IMMP2L: variants seen among roughly 807,000 people sequenced by gnomAD.
IMMP2L encodes the protein mitochondrial inner membrane protease subunit 2.
IMMP2L carries 18 observed loss-of-function variants against 19.3 expected under a neutral mutation model. The observed-to-expected ratio is 0.93, with a 90% confidence interval of 0.64 to 1.38. The LOEUF is 1.38. Among genes scored for constraint, IMMP2L ranks in the 40% most tolerant of loss-of-function variants. The pLI, the probability that IMMP2L is intolerant of heterozygous loss-of-function variation, is 0.00. For synonymous variants in IMMP2L, 76 were observed against 73.0 expected, an observed-to-expected ratio of 1.04 and a Z score of -0.21; for missense variants, 233 against 218.2, an observed-to-expected ratio of 1.07 and a Z score of -0.43.
rs77588358 is a variant in IMMP2L at position 110,861,580 on chromosome 7, T to C, written c.408+25013A>G. On this transcript the variant is annotated intron_variant, in intron 5 of 5. Transcript: ENST00000405709. Reference sequence around the variant, plus strand: ...ACATCTGGCCTTTTAAACAATTTTTTAATCCGGAAAGGTTTAATACACCAA... The same window carrying C: ...ACATCTGGCCTTTTAAACAATTTTTCAATCCGGAAAGGTTTAATACACCAA... Among the ~76,000 whole-genome samples the C allele has an allele frequency of 6.5e-3, 989 of 152,120 alleles. 14 individuals carry two copies. The highest frequency in any genetic ancestry group is 0.023 in the African/African-American group (942 of 41,474).
rs190980091 is a variant in IMMP2L, at chr7:111,338,896, C to A, written c.239+148342G>T. ...CAACAAGCTTCACCAAAAATAAATT[C>A]TGTCAATACAACTATTTATCCTGAG... On this transcript the variant is annotated intron_variant, in intron 3 of 5. Transcript: ENST00000405709. Among the ~76,000 whole-genome samples, 148 of 152,186 alleles carry A rather than the reference C, an allele frequency of 9.7e-4. 1 individual carries two copies. The highest frequency in any genetic ancestry group is 3.4e-3 in the African/African-American group (142 of 41,554).
intron 3 of IMMP2L, among the ~76,000 whole-genome samples, chr7:111,466,076 A>G (rs1840627474): frequency 6.6e-6 from 1 of 152,106 alleles, no homozygotes. Flanking sequence ...TCGCAAGGAC[A>G]AAAAAACCAA....
At chr7:110,909,592 C>T (rs778048521) in intron 4 of IMMP2L, among the ~76,000 whole-genome samples, 2 of 152,074 alleles carry the variant, frequency 1.3e-5, no homozygotes, top group Non-Finnish European at 2.9e-5. Context: ...AAGAAGGAAA[C>T]ATTCATGTCT....
chr7:111,103,143 C>T (rs1295321508), intron 3 of IMMP2L, among the ~76,000 whole-genome samples: 1 of 151,510 alleles, frequency 6.6e-6, no homozygotes, highest in African/African-American at 2.4e-5. Context: ...ATCTATTAGA[C>T]TTTGTTTCCT....
chr7:110,939,572 C>T (rs1816509152), intron 4 of IMMP2L, among the ~76,000 whole-genome samples: 1 of 152,128 alleles, frequency 6.6e-6, no homozygotes, highest in South Asian at 2.1e-4. Context: ...CTGAATGAAG[C>T]TCCCCTTCCT....
rs1296160498 is a variant in IMMP2L, at chr7:110,745,442, A to G, written c.409-81721T>C. 2.0e-5 allele frequency among the ~76,000 whole-genome samples: 3 copies of G among 152,200 alleles called. No individual in the cohort carries two copies. The South Asian group carries it at 6.2e-4, about 32-fold the overall frequency. ...CTCGAGAAGAGCAACTCCAAGACAC[A>G]TAATTGTGAGATTCACCAAGGTTGA... On this transcript the variant is annotated intron_variant, in intron 5 of 5. Coordinates refer to ENST00000405709, the MANE Select transcript of IMMP2L (RefSeq NM_032549.4).
chr7:111,556,674 C>T (rs528424020), intron 1 of IMMP2L, among the ~76,000 whole-genome samples: 38 of 152,260 alleles, frequency 2.5e-4, no homozygotes, highest in African/African-American at 8.7e-4. Context: ...AGCATCTTTA[C>T]ATCTTTCTCT....
chr7:110,992,475 C>T (rs1427161203), intron 3 of IMMP2L, among the ~76,000 whole-genome samples: 2 of 151,930 alleles, frequency 1.3e-5, no homozygotes, highest in East Asian at 1.9e-4. Context: ...ATAATGCTAT[C>T]GGTCCTTAAA....
At chr7:111,026,094 C>A (rs1047343031) in intron 3 of IMMP2L, among the ~76,000 whole-genome samples, 1 of 152,064 alleles carries the variant, frequency 6.6e-6, no homozygotes, top group African/African-American at 2.4e-5. Flanking sequence ...TTATCAAACT[C>A]TCAAGTAGGA....
At chr7:110,752,692 T>G (rs1382436937) in intron 5 of IMMP2L, among the ~76,000 whole-genome samples, 1 of 151,980 alleles carries the variant, frequency 6.6e-6, no homozygotes, top group Non-Finnish European at 1.5e-5. Context: ...CAGGCCCACT[T>G]TCAGCCAATC....
chr7:111,298,885 T>TGCAG (rs1821910458), intron 3 of IMMP2L, among the ~76,000 whole-genome samples: 1 of 151,830 alleles, frequency 6.6e-6, no homozygotes, highest in African/African-American at 2.4e-5. Context: ...AGAAGAAGAA[T>TGCAG]GCAGGCAGTA....
chr7:111,039,667 C>A (rs1791696464), intron 3 of IMMP2L, among the ~76,000 whole-genome samples: 1 of 152,102 alleles, frequency 6.6e-6, no homozygotes, highest in African/African-American at 2.4e-5. Flanking sequence ...AAAACCATCA[C>A]AACAAAAACC....
At chr7:111,335,040 T>C (rs1347491964) in intron 3 of IMMP2L, among the ~76,000 whole-genome samples, 5 of 152,092 alleles carry the variant, frequency 3.3e-5, no homozygotes, top group Admixed American at 6.6e-5. Flanking sequence ...GAGCAGTTTA[T>C]AGGCCAAGTC....
chr7:110,679,392 C>A (rs1420358039), intron 5 of IMMP2L, among the ~76,000 whole-genome samples: 2 of 152,108 alleles, frequency 1.3e-5, no homozygotes, highest in Non-Finnish European at 2.9e-5. Context: ...ACATTACCAA[C>A]CGATGTCTCA....
intron 1 of IMMP2L, among the ~76,000 whole-genome samples, chr7:111,537,475 G>C (rs1462650069): frequency 6.7e-6 from 1 of 148,480 alleles, no homozygotes; most frequent in Non-Finnish European, 1.5e-5. Context: ...AAGCTGCTTA[G>C]ATTTAGCATA....
chr7:110,790,522 G>C (rs1233121256), intron 5 of IMMP2L, among the ~76,000 whole-genome samples: 4 of 151,748 alleles, frequency 2.6e-5, no homozygotes, highest in Non-Finnish European at 4.4e-5. Flanking sequence ...GGTAATGACA[G>C]AGGTACCTAA....
chr7:111,211,711 T>G (rs993569821), intron 3 of IMMP2L, among the ~76,000 whole-genome samples: 1 of 152,150 alleles, frequency 6.6e-6, no homozygotes, highest in Admixed American at 6.5e-5. Flanking sequence ...AACTTCAGAT[T>G]AGAAGACGGA....
At chr7:111,101,177 G>C (rs971841854) in intron 3 of IMMP2L, among the ~76,000 whole-genome samples, 1 of 151,304 alleles carries the variant, frequency 6.6e-6, no homozygotes, top group Non-Finnish European at 1.5e-5. Flanking sequence ...ACTTGATATA[G>C]ACTTTTATGT....
At chr7:111,500,478 C>T (rs963496865) in intron 2 of IMMP2L, among the ~76,000 whole-genome samples, 2 of 152,176 alleles carry the variant, frequency 1.3e-5, no homozygotes, top group East Asian at 1.9e-4. Flanking sequence ...CAGCACACAG[C>T]TGGAGATCTG....
Sources: allele counts gnomAD v4.1 joint callset (sites outside exome capture counted in the v4.1 genomes callset), GRCh38; gene constraint gnomAD v4.1.1; transcripts MANE v1.5; gene names NCBI Gene and HGNC (gene_info 2026-07-23, HGNC 2026-07-21).